Variants in CREBRF observed in about 807,000 individuals in gnomAD.
CREBRF encodes the protein CREB3 regulatory factor, also known as UPF0474 protein C5orf41.
CREBRF carries 5 observed loss-of-function variants against 66.1 expected under a neutral mutation model. The observed-to-expected ratio is 0.08, with a 90% CI of 0.04 to 0.16. CREBRF has a LOEUF of 0.16. Among genes scored for constraint, CREBRF ranks in the 10% least tolerant of loss-of-function variants. The pLI is 1.00. For synonymous variants in CREBRF, 229 were observed against 264.4 expected (o/e 0.87, Z 1.30); for missense variants, 531 against 744.9 (o/e 0.71, Z 3.34).
Position 173,082,908 on chromosome 5 carries a change from CAAAAAAAAAAAAAAAA to C in CREBRF, c.9+2147_9+2162del, listed in dbSNP as rs70984937. Among the ~76,000 whole-genome samples, 12 of 29,018 alleles carry C rather than the reference CAAAAAAAAAAAAAAAA, an allele frequency of 4.1e-4. No homozygotes were observed. In the East Asian group the frequency reaches 0.026, roughly 63 times the overall value. 19.0% of individuals were successfully genotyped at this position (29,018 alleles called of 152,430 possible). On this transcript the variant is annotated intron_variant, in intron 2 of 8. Transcript: ENST00000296953. ...TGAGCGACGGAGCGAGACTCTGTCT[CAAAAAAAAAAAAAAAA>C]AAAAAAAAAAAAAAAAAAAAAACCG...
chr5:173,111,523 C>G (rs1220282430), intron 6 of CREBRF, among the ~76,000 whole-genome samples: 2 of 152,242 alleles, frequency 1.3e-5, no homozygotes, highest in African/African-American at 4.8e-5. Flanking sequence ...GTGCGCCCAG[C>G]TGAATCTGTA....
chr5:173,118,923 A>G (rs184395190), intron 7 of CREBRF, among the ~76,000 whole-genome samples: 3 of 151,984 alleles, frequency 2.0e-5, no homozygotes, highest in East Asian at 1.9e-4. Flanking sequence ...AAAAACATAG[A>G]TGGGGTCTCG....
rs1387123731 is a variant in CREBRF at position 173,080,745 on chromosome 5, G to A, written c.-31G>A. ...TACAAACAAGAAAAAAAAGAAGTTT[G>A]GAATCGGATTCACAGGATCTGGGCT... is the stretch of plus-strand genomic sequence containing the variant. On this transcript the variant is annotated 5_prime_UTR_variant, in exon 2 of 9. Transcript: ENST00000296953. 2 of 1,610,468 alleles carry A rather than the reference G, an allele frequency of 1.2e-6. No homozygotes were observed. The highest frequency in any genetic ancestry group is 1.7e-6 in the Non-Finnish European group (2 of 1,177,960).
At chr5:173,122,569 T>TTTATTATTA (rs200659735) in intron 7 of CREBRF, among the ~76,000 whole-genome samples, 211 of 132,084 alleles carry the variant, frequency 1.6e-3, no homozygotes, top group East Asian at 3.0e-3. Flanking sequence ...TATTATTTCT[T>TTTATTATTA]TTATTATTAT....
At position 173,105,132 on chromosome 5, in the gene CREBRF, A is replaced by G. The variant is rs151082831; in HGVS notation, c.1223-3492A>G. Reference sequence around the variant, plus strand: ...TCCTAACTAGGGACAGTGATTTGCCAGAGATCCAGGCCCCTTGCAGAGAGG... The same window carrying G: ...TCCTAACTAGGGACAGTGATTTGCCGGAGATCCAGGCCCCTTGCAGAGAGG... On this transcript the variant is annotated intron_variant, in intron 4 of 8. Coordinates refer to ENST00000296953, the MANE Select transcript of CREBRF (RefSeq NM_153607.3). Among the ~76,000 whole-genome samples the G allele has an allele frequency of 7.8e-4, 119 of 152,298 alleles. No individual in the cohort carries two copies. The East Asian group carries it at 0.021, about 26-fold the overall frequency.
At chr5:173,082,543 C>A (rs951371969) in intron 2 of CREBRF, among the ~76,000 whole-genome samples, 1 of 147,688 alleles carries the variant, frequency 6.8e-6, no homozygotes, top group East Asian at 2.0e-4. Context: ...AAAGAATAAG[C>A]AAATAGATTA....
chr5:173,118,973 A>AT (rs1759074290), intron 7 of CREBRF, among the ~76,000 whole-genome samples: 1 of 151,942 alleles, frequency 6.6e-6, no homozygotes, highest in South Asian at 2.1e-4. Flanking sequence ...CGATCATCCC[A>AT]TCTTGGCCTC....
At position 173,100,118 on chromosome 5, in the gene CREBRF, G is replaced by GTGTGTGTATATATA. The variant is rs70984939; in HGVS notation, c.1223-8505_1223-8504insGTGTGTATATATAT. Among the ~76,000 whole-genome samples, 796 of 88,314 alleles carry GTGTGTGTATATATA rather than the reference G, an allele frequency of 9.0e-3. 5 individuals carry two copies. The highest frequency in any genetic ancestry group is 0.048 in the Middle Eastern group (5 of 104). The allele number at this position is 88,314 out of a possible 152,430, so 57.9% of individuals were successfully genotyped here. ...TGTGTGTGTGTGTGTGTGTGTGTGT[G>GTGTGTGTATATATA]TATATATATATAATTTTTTTTTTTT... is the stretch of plus-strand genomic sequence containing the variant. On this transcript the variant is annotated intron_variant, in intron 4 of 8. Transcript: ENST00000296953.
chr5:173,102,383 T>C (rs1300270060), intron 4 of CREBRF, among the ~76,000 whole-genome samples: 1 of 152,122 alleles, frequency 6.6e-6, no homozygotes, highest in East Asian at 1.9e-4. Flanking sequence ...GCCCTTCACT[T>C]GTCAGGTCAT....
In CREBRF at chr5:173,133,739, G is replaced by C. The variant is rs1759527566; in HGVS notation, c.1914G>C (p.Lys638Asn). ...TAGGATTAAGGATACCAACATCAAAGGTGTAATCAGCCTCATTGGACCACT... is the reference window on the plus strand; with the variant it reads ...TAGGATTAAGGATACCAACATCAAACGTGTAATCAGCCTCATTGGACCACT... ...GLVGLRIPTS[K>N]V Residue 638 changes from lysine to asparagine, a missense_variant, in exon 9 of 9, where the codon AAG becomes AAC. Coordinates refer to ENST00000296953, the MANE Select transcript of CREBRF (RefSeq NM_153607.3). 3 of 1,556,978 alleles carry C rather than the reference G, an allele frequency of 1.9e-6. No homozygotes were observed. In the East Asian group the frequency reaches 6.8e-5, roughly 35 times the overall value.
intron 1 of CREBRF, chr5:173,060,230 TA>T (rs1180351891): frequency 6.7e-6 from 1 of 149,528 alleles, no homozygotes; most frequent in Admixed American, 6.7e-5. Context: ...TATATATATA[TA>T]TGTTTTTTTT....
intron 1 of CREBRF, among the ~76,000 whole-genome samples, chr5:173,062,908 C>T (rs1044031046): frequency 1.3e-5 from 2 of 151,900 alleles, no homozygotes; most frequent in African/African-American, 2.4e-5. Context: ...CCACTACGCC[C>T]GGCTAATTTT....
intron 7 of CREBRF, among the ~76,000 whole-genome samples, chr5:173,119,383 T>G (rs1210349676): frequency 6.6e-6 from 1 of 152,226 alleles, no homozygotes; most frequent in Non-Finnish European, 1.5e-5. Context: ...TGTAGAGTGC[T>G]TGAACATCTT....
chr5:173,097,186 C>T (rs1188152711), intron 4 of CREBRF, among the ~76,000 whole-genome samples: 1 of 152,178 alleles, frequency 6.6e-6, no homozygotes. Flanking sequence ...GGTATTAATT[C>T]TTCCTTCAAT....
intron 5 of CREBRF, 171 bp from the exon 6 acceptor site, chr5:173,110,351 G>T: frequency 1.4e-6 from 1 of 700,696 alleles, no homozygotes; most frequent in Non-Finnish European, 2.6e-6. Context: ...GGAAGGAGAG[G>T]AGGCCAGCCC....
At chr5:173,095,290 G>T (rs563774199) in intron 4 of CREBRF, among the ~76,000 whole-genome samples, 1 of 143,572 alleles carries the variant, frequency 7.0e-6, no homozygotes, top group South Asian at 2.3e-4. Flanking sequence ...CCAGGTTCAC[G>T]CCATTCTCCT....
chr5:173,075,243 A>G (rs941114009), intron 1 of CREBRF, among the ~76,000 whole-genome samples: 1 of 152,188 alleles, frequency 6.6e-6, no homozygotes, highest in African/African-American at 2.4e-5. Context: ...GCCTGTTTCT[A>G]AATTTTGGAG....
intron 8 of CREBRF, among the ~76,000 whole-genome samples, chr5:173,131,727 CACA>C (rs1469443629): frequency 7.5e-6 from 1 of 133,874 alleles, no homozygotes; most frequent in Non-Finnish European, 1.7e-5. Context: ...CACACACACA[CACA>C]CTTTTTTTTG....
At chr5:173,105,910 G>A (rs553564405) in intron 4 of CREBRF, among the ~76,000 whole-genome samples, 5 of 151,998 alleles carry the variant, frequency 3.3e-5, no homozygotes, top group Non-Finnish European at 7.4e-5. Context: ...GAGCCACCGT[G>A]CCTGGCCACA....
Sources: allele counts gnomAD v4.1 joint callset (sites outside exome capture counted in the v4.1 genomes callset), GRCh38; gene constraint gnomAD v4.1.1; transcripts MANE v1.5; gene names NCBI Gene and HGNC (gene_info 2026-07-23, HGNC 2026-07-21).